Variants in CDH23 observed in about 807,000 individuals in gnomAD.
The protein encoded by CDH23 is cadherin related 23, also known as cadherin-23.
A neutral mutation model predicts 317.1 loss-of-function variants in CDH23; 189 were observed. The ratio of observed to expected loss-of-function variants is 0.60; its 90% CI spans 0.53 to 0.67. CDH23 has a LOEUF of 0.67. Among genes scored for constraint, CDH23 ranks in the 30% least tolerant of loss-of-function variants. CDH23 has a pLI of 0.00. For missense variants in CDH23, 4,401 were observed against 4,592.4 expected, an observed-to-expected ratio of 0.96 and a Z score of 1.20; for synonymous variants, 1,839 against 1,876.8, an observed-to-expected ratio of 0.98 and a Z score of 0.52.
chr10:71,785,407 A>G lies in CDH23; in HGVS notation c.5713-224A>G, dbSNP rs3802710. ...CCTCTTGAGGTGTCTGTAGATGGCC[A>G]ACAACACCATGGGGTCCTCCGAGGG... is the stretch of plus-strand genomic sequence containing the variant. On this transcript the variant is annotated intron_variant, in intron 43 of 69. Coordinates refer to ENST00000224721, the MANE Select transcript of CDH23 (RefSeq NM_022124.6). Among the ~76,000 whole-genome samples, 30,601 of 152,196 alleles carry G rather than the reference A, an allele frequency of 0.2. 3,202 individuals carry two copies. Among genetic ancestry groups the G allele is most frequent in the African/African-American group, 0.25 (10,508 of 41,516 alleles).
intron 13 of CDH23, 65 bp from the exon 14 acceptor site, chr10:71,646,394 C>A: frequency 1.3e-6 from 2 of 1,587,182 alleles, no homozygotes; most frequent in Non-Finnish European, 1.7e-6. Context: ...AGAGGACTTA[C>A]AGGGACAAGG....
intron 11 of CDH23, among the ~76,000 whole-genome samples, chr10:71,619,649 G>T (rs575666399): frequency 9.8e-5 from 15 of 152,340 alleles, no homozygotes; most frequent in African/African-American, 3.6e-4. Context: ...GGTGAGAGGG[G>T]CCTAGGGCTG....
chr10:71,516,087 C>T (rs191863928), intron 6 of CDH23, among the ~76,000 whole-genome samples: 1 of 152,318 alleles, frequency 6.6e-6, no homozygotes, highest in East Asian at 1.9e-4. Context: ...GGAAAGTCAA[C>T]TCTGATTTAT....
chr10:71,520,958 A>G (rs1360879166), intron 6 of CDH23, among the ~76,000 whole-genome samples: 1 of 152,004 alleles, frequency 6.6e-6, no homozygotes, highest in Non-Finnish European at 1.5e-5. Flanking sequence ...CTTTGGGTTG[A>G]TGGAATTATT....
At chr10:71,529,513 T>C (rs1855237107) in intron 6 of CDH23, among the ~76,000 whole-genome samples, 1 of 152,198 alleles carries the variant, frequency 6.6e-6, no homozygotes, top group South Asian at 2.1e-4. Flanking sequence ...GGGCCATTTT[T>C]TCATGGAGCT....
chr10:71,626,312 C>T lies in CDH23; in HGVS notation c.1134+8919C>T, dbSNP rs778707227. On this transcript the variant is annotated intron_variant, in intron 11 of 69. Transcript: ENST00000224721. ...ACTGCGCTAACCCTAGCTCCCCACT[C>T]GGGCCTTTACTGCAAGGCTGACGTC... Among the ~76,000 whole-genome samples the T allele has an allele frequency of 2.6e-5, 4 of 152,166 alleles. No homozygotes were observed. In the South Asian group the frequency reaches 8.3e-4, roughly 32 times the overall value.
In CDH23 at chr10:71,584,102, G is replaced by A. The variant is rs533118520; in HGVS notation, c.832+6110G>A. On this transcript the variant is annotated intron_variant, in intron 9 of 69. Transcript: ENST00000224721. ...GGGGACCACACTTTGAGAAGCTCTG[G>A]TCTAAAGGAGCGTGTGTTCTCAATG... Among the ~76,000 whole-genome samples, 73 of 152,302 alleles carry A rather than the reference G, an allele frequency of 4.8e-4. 1 individual carries two copies. Among genetic ancestry groups the A allele is most frequent in the Non-Finnish European group, 2.5e-4 (17 of 68,030 alleles).
rs369846544 is a variant in CDH23 at position 71,783,433 on chromosome 10, T to C, written c.5369-854T>C. Among the ~76,000 whole-genome samples, 6 of 152,342 alleles carry C rather than the reference T, an allele frequency of 3.9e-5. No individual in the cohort carries two copies. The South Asian group carries it at 6.2e-4, about 16-fold the overall frequency. On this transcript the variant is annotated intron_variant, in intron 41 of 69. Transcript: ENST00000224721. ...CCAGAGTGCTGGGTTTGAATCCTGG[T>C]CTGTCATTCACTTGCTGCAGGAGTG...
intron 18 of CDH23, among the ~76,000 whole-genome samples, chr10:71,685,119 A>G (rs1348912181): frequency 6.6e-6 from 1 of 152,130 alleles, no homozygotes; most frequent in African/African-American, 2.4e-5. Flanking sequence ...TCCACATATG[A>G]CTGAGACCAG....
intron 69 of CDH23, among the ~76,000 whole-genome samples, chr10:71,813,654 C>CTGG (rs2133011096): frequency 1.3e-5 from 2 of 152,256 alleles, no homozygotes; most frequent in Admixed American, 1.3e-4. Flanking sequence ...CACCTGTAAT[C>CTGG]CCAGCACTTT....
chr10:71,729,479 C>T (rs1839280854), intron 30 of CDH23, among the ~76,000 whole-genome samples: 1 of 152,194 alleles, frequency 6.6e-6, no homozygotes, highest in African/African-American at 2.4e-5. Context: ...TCTTTGCTCT[C>T]CACGCCCATC....
chr10:71,590,612 A>G (rs2132442825), intron 9 of CDH23, among the ~76,000 whole-genome samples: 1 of 152,362 alleles, frequency 6.6e-6, no homozygotes, highest in Admixed American at 6.5e-5. Flanking sequence ...TGACAGTGGT[A>G]GTACCAAATG....
intron 38 of CDH23, among the ~76,000 whole-genome samples, chr10:71,756,593 C>T (rs574988683): frequency 2.6e-5 from 4 of 152,306 alleles, no homozygotes; most frequent in African/African-American, 7.2e-5. Flanking sequence ...AAGGTGTACA[C>T]GAAGCTTCGC....
chr10:71,751,961 A>T lies in CDH23; in HGVS notation c.4845+10040A>T. The T allele has an allele frequency of 8.2e-7, 1 of 1,212,476 alleles. No homozygotes were observed. Among genetic ancestry groups the T allele is most frequent in the East Asian group, 2.5e-5 (1 of 39,992 alleles). The allele number at this position is 1,212,476 out of a possible 1,614,324, so 75.1% of individuals were successfully genotyped here. On this transcript the variant is annotated intron_variant, in intron 38 of 69. Coordinates refer to ENST00000224721, the MANE Select transcript of CDH23 (RefSeq NM_022124.6). The surrounding 1 kb of genome is among the most constrained non-coding windows in gnomAD (Gnocchi z 4.9). ...TCTCTCCTCCCTTTCTCTCACCTAC[A>T]TCCCCATCCCCAAGCCTCAGCAGCA...
chr10:71,425,378 A>AGGAAGGAAGGAAGGAAGGAAGGAAGGAG (rs1849025141), intron 1 of CDH23, among the ~76,000 whole-genome samples: 1 of 135,880 alleles, frequency 7.4e-6, no homozygotes, highest in Non-Finnish European at 1.6e-5. Flanking sequence ...AGGAGAAGGA[A>AGGAAGGAAGGAAGGAAGGAAGGAAGGAG]GGAAGGAAGG....
chr10:71,651,111 G>A (rs1457056574), intron 14 of CDH23, among the ~76,000 whole-genome samples: 1 of 152,192 alleles, frequency 6.6e-6, no homozygotes, highest in Non-Finnish European at 1.5e-5. Flanking sequence ...TTGCTGTGAT[G>A]GAGAGATCAG....
chr10:71,605,169 A>G (rs2132486514), intron 9 of CDH23, among the ~76,000 whole-genome samples: 1 of 152,262 alleles, frequency 6.6e-6, no homozygotes, highest in East Asian at 1.9e-4. Flanking sequence ...TTACATTCAC[A>G]GTGTTGTACA....
intron 46 of CDH23, 194 bp downstream of exon 46, chr10:71,790,607 G>T: frequency 2.9e-6 from 2 of 682,196 alleles, no homozygotes; most frequent in South Asian, 3.9e-5. Flanking sequence ...GTGGGAAGAG[G>T]CTTGGAGACG....
At chr10:71,734,695 T>C in intron 34 of CDH23, 37 bp downstream of exon 34, 1 of 1,344,370 alleles carries the variant, frequency 7.4e-7, no homozygotes. Context: ...CCTGTGCTGT[T>C]GGCTGTGGCC....
Sources: allele counts gnomAD v4.1 joint callset (sites outside exome capture counted in the v4.1 genomes callset), GRCh38; gene constraint gnomAD v4.1.1; non-coding constraint Gnocchi (gnomAD v3.1); transcripts MANE v1.5; gene names NCBI Gene and HGNC (gene_info 2026-07-23, HGNC 2026-07-21).